The following COL13A1 variants were observed in gnomAD, a reference collection of about 807,000 sequenced individuals.
The protein encoded by COL13A1 is collagen type XIII alpha 1 chain, also known as collagen alpha-1(XIII) chain.
Under a neutral mutation model 130.9 loss-of-function variants are expected in COL13A1, and 89 were observed. The observed-to-expected ratio is 0.68, with a 90% CI of 0.57 to 0.81. COL13A1 has a LOEUF of 0.81. Among genes scored for constraint, COL13A1 ranks in the 30% least tolerant of loss-of-function variants. The probability of loss-of-function intolerance (pLI) is 0.00; values close to 1 mark genes in which losing one functional copy is unlikely to be tolerated. For missense variants in COL13A1, 879 were observed against 934.6 expected, an observed-to-expected ratio of 0.94 and a Z score of 0.78; for synonymous variants, 402 against 341.6, an observed-to-expected ratio of 1.18 and a Z score of -1.95.
At chr10:69,811,518 T>C (rs951397394) in intron 1 of COL13A1, among the ~76,000 whole-genome samples, 3 of 152,192 alleles carry the variant, frequency 2.0e-5, no homozygotes, top group Admixed American at 6.5e-5. Context: ...CACCTCCCCC[T>C]GAACTGGCAC....
intron 19 of COL13A1, 63 bp from the exon 20 acceptor site, chr10:69,918,999 G>A: frequency 6.2e-7 from 1 of 1,607,376 alleles, no homozygotes; most frequent in South Asian, 1.1e-5. Context: ...CCACCAACAG[G>A]TGCCTTGCTC....
intron 6 of COL13A1, among the ~76,000 whole-genome samples, chr10:69,878,790 A>T (rs2059864417): frequency 6.6e-6 from 1 of 152,154 alleles, no homozygotes; most frequent in African/African-American, 2.4e-5. Flanking sequence ...CAAGCACAAC[A>T]CTTCTAAAGA....
chr10:69,938,640 TA>T (rs2067247198), intron 34 of COL13A1, among the ~76,000 whole-genome samples: 1 of 152,084 alleles, frequency 6.6e-6, no homozygotes, highest in African/African-American at 2.4e-5. Context: ...CAGGTAGCCA[TA>T]AAGAGCAGAG....
chr10:69,945,636 TG>T (rs2068389631), intron 36 of COL13A1, 34 bp from the exon 37 acceptor site: 1 of 1,605,984 alleles, frequency 6.2e-7, no homozygotes, highest in Admixed American at 1.7e-5. Flanking sequence ...TTACCGTGTC[TG>T]GCAGGATTCA....
intron 31 of COL13A1, 54 bp downstream of exon 31, chr10:69,932,658 G>T: frequency 8.4e-7 from 1 of 1,187,384 alleles, no homozygotes. Flanking sequence ...TCTGCAGCAT[G>T]CACAGTATTT....
intron 38 of COL13A1, among the ~76,000 whole-genome samples, chr10:69,947,957 G>GT (rs1318695386): frequency 6.6e-6 from 1 of 152,204 alleles, no homozygotes; most frequent in Non-Finnish European, 1.5e-5. Flanking sequence ...ATAACAGGGG[G>GT]TGGCACCGAC....
intron 14 of COL13A1, among the ~76,000 whole-genome samples, chr10:69,901,132 T>C (rs2062140531): frequency 6.6e-6 from 1 of 152,208 alleles, no homozygotes; most frequent in Non-Finnish European, 1.5e-5. Context: ...AAGCCTTTCT[T>C]GGTTCAGAAG....
At chr10:69,914,605 G>C (rs1011602748) in intron 17 of COL13A1, among the ~76,000 whole-genome samples, 2 of 152,166 alleles carry the variant, frequency 1.3e-5, no homozygotes, top group African/African-American at 4.8e-5. Context: ...GAGGGATGAC[G>C]GGGGCCTCTG....
At chr10:69,925,699 T>C (rs1036833441) in intron 25 of COL13A1, 105 bp from the exon 26 acceptor site, 1 of 788,616 alleles carries the variant, frequency 1.3e-6, no homozygotes, top group Non-Finnish European at 2.1e-6. Flanking sequence ...GGTCCACCCA[T>C]GTGCAGCTAG....
chr10:69,810,831 G>A (rs1326325211), intron 1 of COL13A1, among the ~76,000 whole-genome samples: 1 of 152,240 alleles, frequency 6.6e-6, no homozygotes, highest in Admixed American at 6.5e-5. Context: ...CGCTCTCCCA[G>A]CCACAGCCCT....
rs745363959 is a variant in COL13A1, at chr10:69,930,452, C to T, written c.1583C>T (p.Pro528Leu). Residue 528 changes from proline (P) to leucine (L), a missense_variant, in exon 30 of 41, where the codon CCA becomes CTA. This residue lies in a region of COL13A1 where 715 missense variants were observed against 721.0 expected (regional missense o/e 0.99). Coordinates refer to ENST00000645393, the MANE Select transcript of COL13A1 (RefSeq NM_001368882.1). ...DMGPPGPQGP[P>L]GKDGPPGVKG... ...GGCCCTCCTGGTCCCCAAGGCCCCC[C>T]AGGAAAGGATGGACCTCCAGGAGTG... The T allele has an allele frequency of 5.0e-6, 8 of 1,613,840 alleles. No homozygotes were observed. The Admixed American group carries it at 1.3e-4, about 27-fold the overall frequency.
Position 69,872,457 on chromosome 10 carries a change from A to G in COL13A1, c.399+247A>G, listed in dbSNP as rs146539522. 9.0e-3 allele frequency among the ~76,000 whole-genome samples: 1,374 copies of G among 152,266 alleles called. 13 individuals are homozygous for G. The highest frequency in any genetic ancestry group is 0.012 in the Non-Finnish European group (786 of 68,018). On this transcript the variant is annotated intron_variant, in intron 4 of 40. Transcript: ENST00000645393. ...GGTGTGCCTTTGCCCCAGGCAGACA[A>G]ATTACAGCATGCAGATCCTTCCAAA...
intron 16 of COL13A1, 24 bp downstream of exon 16, chr10:69,904,983 G>T: frequency 6.4e-7 from 1 of 1,558,860 alleles, no homozygotes; most frequent in African/African-American, 1.4e-5. Flanking sequence ...TGGGTGATGT[G>T]TTGAACAGGT....
chr10:69,908,080 A>T (rs1222646832), intron 17 of COL13A1, among the ~76,000 whole-genome samples: 1 of 152,142 alleles, frequency 6.6e-6, no homozygotes, highest in African/African-American at 2.4e-5. Flanking sequence ...TGCTGTAAGG[A>T]GTGCAACCCT....
chr10:69,917,436 G>A, intron 18 of COL13A1, 103 bp downstream of exon 18: 1 of 1,049,482 alleles, frequency 9.5e-7, no homozygotes, highest in South Asian at 1.5e-5. Context: ...CCAGCTCTTT[G>A]GGCCTCCTTC....
At chr10:69,897,635 G>C (rs2134949477) in intron 13 of COL13A1, 1 of 1,300,902 alleles carries the variant, frequency 7.7e-7, no homozygotes, top group East Asian at 2.5e-5. Flanking sequence ...GGGAGCGGGT[G>C]GAGCTCTGTG....
chr10:69,921,651 T>G (rs1179815240), intron 21 of COL13A1, among the ~76,000 whole-genome samples: 1 of 151,966 alleles, frequency 6.6e-6, no homozygotes, highest in African/African-American at 2.4e-5. Flanking sequence ...CCGGGCCACA[T>G]GGGAATAAGG....
chr10:69,824,352 C>T (rs1319770382), intron 2 of COL13A1, among the ~76,000 whole-genome samples: 1 of 152,220 alleles, frequency 6.6e-6, no homozygotes, highest in Non-Finnish European at 1.5e-5. Context: ...AGAGACTTGC[C>T]TTTCTCCCTT....
Position 69,802,565 on chromosome 10 carries a change from C to G in COL13A1, c.142C>G (p.Leu48Val). The G allele has an allele frequency of 6.2e-7, 1 of 1,609,976 alleles. No individual in the cohort carries two copies. Among genetic ancestry groups the G allele is most frequent in the South Asian group, 1.1e-5 (1 of 90,856 alleles). ...RLPSPGSCGL[L>V]TLALCSLALS... is the part of the protein sequence containing the mutation. ...GCCGAGTCCAGGGTCGTGCGGGCTGCTGACGCTGGCCCTCTGCTCGCTGGC... is the reference window on the plus strand; with the variant it reads ...GCCGAGTCCAGGGTCGTGCGGGCTGGTGACGCTGGCCCTCTGCTCGCTGGC... Residue 48 changes from leucine to valine, a missense_variant, in exon 1 of 41, where the codon CTG becomes GTG. By Grantham distance (32) the Leu-to-Val change is conservative. Around this residue, in one of 3 missense-constraint regions of COL13A1, gnomAD observed 715 missense variants for 721.0 expected, o/e 0.99. Transcript: ENST00000645393.
Sources: allele counts gnomAD v4.1 joint callset (sites outside exome capture counted in the v4.1 genomes callset), GRCh38; gene constraint gnomAD v4.1.1; regional missense constraint gnomAD v4.1.1; transcripts MANE v1.5; gene names NCBI Gene and HGNC (gene_info 2026-07-23, HGNC 2026-07-21).